The following ARPC4 variants were observed in gnomAD, a reference collection of about 807,000 sequenced individuals.
The protein encoded by ARPC4 is actin related protein 2/3 complex subunit 4, also known as actin-related protein 2/3 complex subunit 4.
ARPC4 carries 3 observed loss-of-function variants against 22.8 expected under a neutral mutation model. The ratio of observed to expected loss-of-function variants is 0.13; its 90% CI spans 0.06 to 0.34. ARPC4 has a LOEUF of 0.34. ARPC4 is among the 10% of genes least tolerant of loss of function. ARPC4 has a pLI of 1.00. For missense variants in ARPC4, 98 were observed against 211.0 expected (o/e 0.46, Z 3.32); for synonymous variants, 80 against 72.5 (o/e 1.10, Z -0.52).
chr3:9,802,902 A>C (rs1389321660), intron 4 of ARPC4, among the ~76,000 whole-genome samples: 16 of 145,272 alleles, frequency 1.1e-4, no homozygotes, highest in Admixed American at 1.1e-3. Context: ...TCCTGACCTC[A>C]GGTGATCCGC....
At chr3:9,797,434 C>G (rs771475843) in intron 1 of ARPC4, among the ~76,000 whole-genome samples, 1 of 152,152 alleles carries the variant, frequency 6.6e-6, no homozygotes, top group Non-Finnish European at 1.5e-5. Flanking sequence ...GGAAATGTCT[C>G]GACATTACCA....
upstream of ARPC4, chr3:9,793,071 C>G (rs1229039568): frequency 6.5e-7 from 1 of 1,544,990 alleles, no homozygotes; most frequent in East Asian, 2.5e-5. Context: ...GCAGGCATCG[C>G]GGGGCTGGCC....
intron 4 of ARPC4, chr3:9,803,547 A>G (rs771549501): frequency 5.5e-6 from 3 of 548,368 alleles, no homozygotes; most frequent in South Asian, 4.6e-5. Flanking sequence ...TTATTCTGTA[A>G]CAAGACTTCA....
At chr3:9,806,096 G>A in intron 5 of ARPC4, 114 bp from the exon 6 acceptor site, 7 of 1,246,434 alleles carry the variant, frequency 5.6e-6, no homozygotes, top group Non-Finnish European at 8.3e-6. Flanking sequence ...ACCCAACTCT[G>A]CCCCTCACAG....
chr3:9,801,649 T>C lies in ARPC4; in HGVS notation c.235-12T>C, dbSNP rs940771797. 3.1e-6 allele frequency: 5 copies of C among 1,598,102 alleles called. No homozygotes were observed. In the African/African-American group the frequency reaches 5.4e-5, roughly 17 times the overall value. On this transcript the variant is annotated splice_polypyrimidine_tract_variant and intron_variant, in intron 3 of 5. Transcript: ENST00000397261. Reference sequence around the variant, plus strand: ...CAGCTTTAGAGAAACATTTCTCTCTTGCACTCCCCAGGCTGATGAGATCGA... The same window carrying C: ...CAGCTTTAGAGAAACATTTCTCTCTCGCACTCCCCAGGCTGATGAGATCGA...
intron 3 of ARPC4, among the ~76,000 whole-genome samples, chr3:9,801,212 GAAAAAAAAAAAAA>G (rs745696982): frequency 8.1e-4 from 54 of 66,454 alleles, no homozygotes; most frequent in South Asian, 1.9e-3. Flanking sequence ...TTCCATCTCA[GAAAAAAAAAAAAA>G]AAAAAAAAAA....
chr3:9,804,848 G>A (rs930240762), intron 5 of ARPC4, among the ~76,000 whole-genome samples: 5 of 152,186 alleles, frequency 3.3e-5, no homozygotes, highest in African/African-American at 1.2e-4. Context: ...TGCACAGGTC[G>A]GCATGGCTGT....
intron 1 of ARPC4, among the ~76,000 whole-genome samples, chr3:9,796,749 G>A (rs540714476): frequency 2.5e-4 from 38 of 152,030 alleles, no homozygotes; most frequent in Non-Finnish European, 4.9e-4. Flanking sequence ...AGACCATCCT[G>A]GCTAACACCG....
chr3:9,793,210 G>C, intron 1 of ARPC4, 86 bp downstream of exon 1: 1 of 1,493,888 alleles, frequency 6.7e-7, no homozygotes, highest in Non-Finnish European at 9.0e-7. Context: ...TTTGCCGCAG[G>C]GGCGCGGGGC....
intron 4 of ARPC4, 41 bp downstream of exon 4, chr3:9,801,797 C>G (rs1177777864): frequency 1.9e-6 from 3 of 1,538,536 alleles, no homozygotes; most frequent in East Asian, 2.4e-5. Context: ...ACCCAGGACC[C>G]TGTTACAGAA....
chr3:9,804,136 C>T lies in ARPC4; in HGVS notation c.501+123C>T. 3.6e-6 allele frequency: 4 copies of T among 1,112,256 alleles called. No homozygotes were observed. In the South Asian group the frequency reaches 5.0e-5, roughly 14 times the overall value. 68.9% of individuals were successfully genotyped at this position (1,112,256 alleles called of 1,614,324 possible). ...TTTATATCTCCTGAGCTCTCTAGGA[C>T]CCCTGGGGCACAGCAGGTCAGTCAG... On this transcript the variant is annotated intron_variant, in intron 5 of 5. Transcript: ENST00000397261.
intron 5 of ARPC4, 71 bp from the exon 6 acceptor site, chr3:9,806,139 C>A: frequency 6.4e-7 from 1 of 1,552,296 alleles, no homozygotes; most frequent in Non-Finnish European, 8.9e-7. Context: ...CAGGTTCATG[C>A]ACCTCCTTAG....
chr3:9,803,764 C>A, intron 4 of ARPC4, 79 bp from the exon 5 acceptor site: 1 of 1,438,886 alleles, frequency 6.9e-7, no homozygotes, highest in Non-Finnish European at 9.7e-7. Flanking sequence ...GAGTGGAGGA[C>A]ATGACCAGCT....
intron 3 of ARPC4, 125 bp downstream of exon 3, chr3:9,800,421 G>C: frequency 1.2e-6 from 1 of 861,248 alleles, no homozygotes; most frequent in Non-Finnish European, 1.8e-6. Context: ...AGGAAACCTA[G>C]CCTCTGCTTC....
chr3:9,795,067 G>T (rs144819103), intron 1 of ARPC4, among the ~76,000 whole-genome samples: 72 of 152,124 alleles, frequency 4.7e-4, no homozygotes, highest in African/African-American at 1.7e-3. Context: ...GCACAGTGGC[G>T]TGATCTCGGC....
chr3:9,793,312 C>A, intron 1 of ARPC4, 188 bp downstream of exon 1: 1 of 1,176,448 alleles, frequency 8.5e-7, no homozygotes, highest in Non-Finnish European at 1.2e-6. Flanking sequence ...AGTGGGGGTA[C>A]TCCCTGGTAT....
chr3:9,799,610 T>C (rs987365200), intron 2 of ARPC4, among the ~76,000 whole-genome samples: 6 of 152,124 alleles, frequency 3.9e-5, no homozygotes, highest in African/African-American at 1.4e-4. Flanking sequence ...GCCCAGCTAA[T>C]TTTTATATTT....
intron 4 of ARPC4, among the ~76,000 whole-genome samples, chr3:9,803,022 T>C (rs1259852492): frequency 2.6e-5 from 4 of 152,058 alleles, no homozygotes; most frequent in African/African-American, 4.8e-5. Context: ...TAGCTGGGAC[T>C]ACAGGTGCCC....
intron 2 of ARPC4, 42 bp from the exon 3 acceptor site, chr3:9,800,143 A>C (rs146270445): frequency 3.7e-6 from 6 of 1,604,860 alleles, no homozygotes; most frequent in Non-Finnish European, 5.1e-6. Context: ...TGACTATTCT[A>C]TCCCTCTGTA....
Sources: gnomAD v4.1 joint callset for allele counts (sites outside exome capture counted in the v4.1 genomes callset) on GRCh38, gnomAD v4.1.1 for gene constraint, MANE v1.5 for transcripts, NCBI Gene and HGNC (gene_info 2026-07-23, HGNC 2026-07-21) for gene names.